The following SGIP1 variants were observed in gnomAD, a reference collection of about 807,000 sequenced individuals.
SGIP1 encodes SH3GL interacting endocytic adaptor 1.
SGIP1 carries 38 observed loss-of-function variants against 107.5 expected under a neutral mutation model. That is an observed-to-expected ratio of 0.35 (90% CI 0.27 to 0.46). The LOEUF (loss-of-function observed/expected upper bound fraction) is 0.46. Among genes scored for constraint, SGIP1 ranks in the 20% least tolerant of loss-of-function variants. The pLI is 1.00. For missense variants in SGIP1, 929 were observed against 1,019.5 expected, an observed-to-expected ratio of 0.91 and a Z score of 1.21; for synonymous variants, 365 against 366.1, an observed-to-expected ratio of 1.00 and a Z score of 0.03.
chr1:66,683,370 A>C (rs2087258737), intron 15 of SGIP1, among the ~76,000 whole-genome samples: 1 of 152,138 alleles, frequency 6.6e-6, no homozygotes, highest in East Asian at 1.9e-4. Flanking sequence ...AAATCTAGTA[A>C]GAGACAGAAA....
rs112976290 is a variant in SGIP1 at position 66,553,674 on chromosome 1, C to CA, written c.10+19322dup. On this transcript the variant is annotated intron_variant, in intron 1 of 24. Coordinates refer to ENST00000371037, the MANE Select transcript of SGIP1 (RefSeq NM_032291.4). ...CTGGGTGACAGAGCAAGACTCCAGT[C>CA]AAAAAAAAAAAAAAAATGAGACCAA... is the stretch of plus-strand genomic sequence containing the variant. Among the ~76,000 whole-genome samples the CA allele has an allele frequency of 6.3e-3, 603 of 95,032 alleles. 4 individuals carry two copies. Among genetic ancestry groups the CA allele is most frequent in the East Asian group, 0.017 (50 of 2,954 alleles). The allele number at this position is 95,032 out of a possible 152,430, so 62.3% of individuals were successfully genotyped here. A position where few individuals can be genotyped will look rare whatever the true frequency, so the allele number is the denominator to read the frequency against.
chr1:66,662,565 G>C (rs2081721733), intron 8 of SGIP1, among the ~76,000 whole-genome samples: 1 of 152,100 alleles, frequency 6.6e-6, no homozygotes, highest in African/African-American at 2.4e-5. Context: ...GAAGACATAG[G>C]CTGCAGTGTT....
Position 66,751,105 on chromosome 1 carries a change from T to A in SGIP1, c.*8010T>A, listed in dbSNP as rs1245869721. ...GTGATTTCTTTTTCTGGAAAATAAA[T>A]GAAAAATATGAAAATAAATTGAATT... On this transcript the variant is annotated 3_prime_UTR_variant, in exon 25 of 25. Transcript: ENST00000371037. Among the ~76,000 whole-genome samples, 1 of 152,156 alleles carries A rather than the reference T, an allele frequency of 6.6e-6. No individual in the cohort carries two copies. Among genetic ancestry groups the A allele is most frequent in the African/African-American group, 2.4e-5 (1 of 41,434 alleles).
At chr1:66,575,262 T>C (rs2060904983) in intron 1 of SGIP1, among the ~76,000 whole-genome samples, 1 of 152,188 alleles carries the variant, frequency 6.6e-6, no homozygotes, top group Non-Finnish European at 1.5e-5. Context: ...CCTGTGTGAA[T>C]TTCCAATAAG....
chr1:66,583,897 A>G (rs989148007), intron 1 of SGIP1, among the ~76,000 whole-genome samples: 1 of 152,122 alleles, frequency 6.6e-6, no homozygotes, highest in African/African-American at 2.4e-5. Flanking sequence ...TTTGGTTCAT[A>G]AAGGTTAATG....
chr1:66,613,540 G>T (rs1334703826), intron 1 of SGIP1, among the ~76,000 whole-genome samples: 1 of 152,114 alleles, frequency 6.6e-6, no homozygotes, highest in Non-Finnish European at 1.5e-5. Flanking sequence ...ATGTTGGCCA[G>T]GCTGGTCTCC....
At chr1:66,661,902 A>G (rs2081567910) in intron 8 of SGIP1, among the ~76,000 whole-genome samples, 1 of 152,128 alleles carries the variant, frequency 6.6e-6, no homozygotes. Flanking sequence ...TTCTTTGGAA[A>G]TGTCCATCTT....
intron 7 of SGIP1, among the ~76,000 whole-genome samples, chr1:66,657,408 G>C (rs2080004371): frequency 6.6e-6 from 1 of 152,122 alleles, no homozygotes; most frequent in African/African-American, 2.4e-5. Context: ...TCATGTAAGT[G>C]ACCATCAAAA....
chr1:66,648,951 A>G (rs2149550024), intron 7 of SGIP1, among the ~76,000 whole-genome samples: 1 of 152,320 alleles, frequency 6.6e-6, no homozygotes, highest in East Asian at 1.9e-4. Flanking sequence ...CTTTTTGTGC[A>G]GAAGATCCTA....
At chr1:66,624,416 C>A (rs4655643) in intron 1 of SGIP1, among the ~76,000 whole-genome samples, 138,479 of 152,226 alleles carry the variant, frequency 0.91, 63,112 homozygotes, top group East Asian at 1. Context: ...CTATAAACTC[C>A]TCATGTGGAG....
chr1:66,563,034 G>GA (rs1454585546), intron 1 of SGIP1, among the ~76,000 whole-genome samples: 1 of 151,232 alleles, frequency 6.6e-6, no homozygotes, highest in African/African-American at 2.4e-5. Context: ...AGAAATTGAA[G>GA]AAAAAAACAG....
intron 1 of SGIP1, among the ~76,000 whole-genome samples, chr1:66,545,012 T>C (rs1187729160): frequency 6.6e-6 from 1 of 152,120 alleles, no homozygotes; most frequent in Non-Finnish European, 1.5e-5. Context: ...CATCAGTAGG[T>C]CCTTAAGAGC....
At chr1:66,628,788 C>A (rs1279760730) in intron 2 of SGIP1, among the ~76,000 whole-genome samples, 3 of 152,142 alleles carry the variant, frequency 2.0e-5, no homozygotes, top group Non-Finnish European at 4.4e-5. Flanking sequence ...GGTAGAGGCC[C>A]AATATCTCTC....
intron 1 of SGIP1, among the ~76,000 whole-genome samples, chr1:66,617,768 T>A (rs75802672): frequency 6.6e-6 from 1 of 152,176 alleles, no homozygotes; most frequent in Non-Finnish European, 1.5e-5. Context: ...GATTTAAACA[T>A]GCAAAATACA....
At chr1:66,663,010 T>A (rs537150488) in intron 8 of SGIP1, among the ~76,000 whole-genome samples, 1 of 152,272 alleles carries the variant, frequency 6.6e-6, no homozygotes, top group Non-Finnish European at 1.5e-5. Context: ...AGGTGTTTTG[T>A]TTGGTTGTGC....
intron 1 of SGIP1, among the ~76,000 whole-genome samples, chr1:66,615,633 G>A (rs2069098991): frequency 6.6e-6 from 1 of 152,162 alleles, no homozygotes; most frequent in African/African-American, 2.4e-5. Context: ...GTGGAAAATG[G>A]AGGGTTTTTT....
intron 1 of SGIP1, among the ~76,000 whole-genome samples, chr1:66,554,991 C>T (rs554165230): frequency 6.6e-6 from 1 of 152,148 alleles, no homozygotes; most frequent in African/African-American, 2.4e-5. Context: ...GTTAGGAGAA[C>T]ATTAAATCAT....
intron 5 of SGIP1, among the ~76,000 whole-genome samples, chr1:66,641,258 C>T (rs1476192347): frequency 2.0e-5 from 3 of 151,996 alleles, no homozygotes; most frequent in African/African-American, 7.2e-5. Context: ...TAAATTTAAC[C>T]GTAGTAGTCA....
intron 1 of SGIP1, among the ~76,000 whole-genome samples, chr1:66,570,438 G>A (rs1219715408): frequency 6.6e-6 from 1 of 151,828 alleles, no homozygotes; most frequent in Non-Finnish European, 1.5e-5. Flanking sequence ...ACTTTACAAT[G>A]TTAAGCATTT....
Sources: gnomAD v4.1 joint callset for allele counts (sites outside exome capture counted in the v4.1 genomes callset) on GRCh38, gnomAD v4.1.1 for gene constraint, MANE v1.5 for transcripts, NCBI Gene and HGNC (gene_info 2026-07-23, HGNC 2026-07-21) for gene names.